The following PRKN variants were observed in gnomAD, a reference collection of about 807,000 sequenced individuals.
The protein encoded by PRKN is E3 ubiquitin-protein ligase parkin.
PRKN carries 56 observed loss-of-function variants against 59.5 expected under a neutral mutation model. The observed-to-expected ratio is 0.94, with a 90% CI of 0.76 to 1.18. PRKN has a LOEUF of 1.18. PRKN is among the 50% of genes most tolerant of loss of function. The pLI is 0.00. For missense variants in PRKN, 657 were observed against 596.4 expected, an observed-to-expected ratio of 1.10 and a Z score of -1.06; for synonymous variants, 250 against 222.1, an observed-to-expected ratio of 1.13 and a Z score of -1.12.
chr6:162,414,726 A>AAAAAAAAAAAAAAAAAT lies in PRKN; in HGVS notation c.171+28583_171+28584insATTTTTTTTTTTTTTTT, dbSNP rs34838356. Among the ~76,000 whole-genome samples the AAAAAAAAAAAAAAAAAT allele has an allele frequency of 4.4e-5, 4 of 91,868 alleles. 1 individual carries two copies. The highest frequency in any genetic ancestry group is 1.4e-4 in the African/African-American group (3 of 22,052). 60.3% of individuals were successfully genotyped at this position (91,868 alleles called of 152,430 possible). On this transcript the variant is annotated intron_variant, in intron 2 of 11. Transcript: ENST00000366898. Reference sequence around the variant, plus strand: ...ACTCCGTCTCAAAAAAAAAAAAAAAAAGTGAATCTTTGAAGTTTTAAAATA... The same window carrying AAAAAAAAAAAAAAAAAT: ...ACTCCGTCTCAAAAAAAAAAAAAAAAAAAAAAAAAAAAAAAATAGTGAATCTTTGAAGTTTTAAAATA...
In PRKN at chr6:161,457,732, T is replaced by G. The variant is rs1172357498; in HGVS notation, c.1084-70855A>C. On this transcript the variant is annotated intron_variant, in intron 9 of 11. Coordinates refer to ENST00000366898, the MANE Select transcript of PRKN (RefSeq NM_004562.3). The surrounding 1 kb of genome is among the most constrained non-coding windows in gnomAD (Gnocchi z 5.0). Reference sequence around the variant, plus strand: ...GTGTCTCTAGAGAAGAGACTGGTTCTGAAAATAGGGAGAATGGGAACCACC... The same window carrying G: ...GTGTCTCTAGAGAAGAGACTGGTTCGGAAAATAGGGAGAATGGGAACCACC... 6.6e-6 allele frequency among the ~76,000 whole-genome samples: 1 copy of G among 152,222 alleles called. No individual in the cohort carries two copies. The highest frequency in any genetic ancestry group is 1.5e-5 in the Non-Finnish European group (1 of 68,040).
intron 6 of PRKN, among the ~76,000 whole-genome samples, chr6:161,859,344 C>T (rs1273734202): frequency 2.0e-5 from 3 of 152,002 alleles, no homozygotes; most frequent in African/African-American, 7.2e-5. Flanking sequence ...GTGACTGACG[C>T]CTGTAATCCC....
intron 1 of PRKN, among the ~76,000 whole-genome samples, chr6:162,706,348 C>T (rs952237426): frequency 1.3e-5 from 2 of 152,126 alleles, no homozygotes; most frequent in African/African-American, 4.8e-5. Context: ...GAGTTCTGGT[C>T]TGTGAAAAGA....
At chr6:161,884,533 G>T (rs1345794457) in intron 6 of PRKN, among the ~76,000 whole-genome samples, 1 of 152,164 alleles carries the variant, frequency 6.6e-6, no homozygotes, top group Non-Finnish European at 1.5e-5. Context: ...TAAAATGATG[G>T]ATATGCAACT....
intron 1 of PRKN, among the ~76,000 whole-genome samples, chr6:162,596,630 T>C (rs893774578): frequency 1.3e-5 from 2 of 152,200 alleles, no homozygotes; most frequent in Non-Finnish European, 2.9e-5. Context: ...TTTTCTACCA[T>C]AAAAGAAAAT....
chr6:161,730,647 G>T (rs1210296787), intron 7 of PRKN, among the ~76,000 whole-genome samples: 1 of 151,532 alleles, frequency 6.6e-6, no homozygotes, highest in Non-Finnish European at 1.5e-5. Context: ...CTGATGTGTT[G>T]CCCTCCGATA....
chr6:162,202,755 T>C (rs1273520294), intron 3 of PRKN, among the ~76,000 whole-genome samples: 2 of 152,198 alleles, frequency 1.3e-5, no homozygotes, highest in Admixed American at 1.3e-4. Flanking sequence ...ATCTGTAATA[T>C]GTAAGTAAAT....
intron 7 of PRKN, among the ~76,000 whole-genome samples, chr6:161,637,770 C>CT (rs1708864355): frequency 2.0e-5 from 3 of 151,764 alleles, no homozygotes; most frequent in Non-Finnish European, 4.4e-5. Context: ...GGATTGGCCC[C>CT]AATTCTGTTT....
intron 1 of PRKN, among the ~76,000 whole-genome samples, chr6:162,586,049 A>G (rs1781039125): frequency 6.6e-6 from 1 of 152,128 alleles, no homozygotes; most frequent in Non-Finnish European, 1.5e-5. Flanking sequence ...AACATCTCCA[A>G]TATTACAAAA....
intron 1 of PRKN, among the ~76,000 whole-genome samples, chr6:162,639,215 TC>T (rs1345014479): frequency 1.3e-5 from 2 of 152,148 alleles, no homozygotes; most frequent in African/African-American, 2.4e-5. Flanking sequence ...TCCTTAGGAT[TC>T]TCCACAGTCA....
At chr6:162,100,210 G>C (rs1271878099) in intron 4 of PRKN, among the ~76,000 whole-genome samples, 1 of 152,102 alleles carries the variant, frequency 6.6e-6, no homozygotes, top group Non-Finnish European at 1.5e-5. Flanking sequence ...CCCTACCTGG[G>C]CTATTGTGAA....
In PRKN at chr6:162,182,974, C is replaced by CT. The variant is rs200129712; in HGVS notation, c.534+18156dup. Among the ~76,000 whole-genome samples the CT allele has an allele frequency of 8.6e-3, 1,307 of 151,582 alleles. 15 individuals are homozygous for CT. Among genetic ancestry groups the CT allele is most frequent in the African/African-American group, 0.021 (860 of 41,364 alleles). ...TGGGTCATTTCTGACACCTTTTTTT[C>CT]TTTTTTTTGGTGCTTTTCTGCCGAT... On this transcript the variant is annotated intron_variant, in intron 4 of 11. Transcript: ENST00000366898.
intron 1 of PRKN, among the ~76,000 whole-genome samples, chr6:162,717,016 T>G (rs1241520755): frequency 6.6e-6 from 1 of 152,170 alleles, no homozygotes; most frequent in Non-Finnish European, 1.5e-5. Flanking sequence ...CAAAAGGGAC[T>G]TTGCAGATGT....
At chr6:162,103,112 T>C (rs769553723) in intron 4 of PRKN, among the ~76,000 whole-genome samples, 18 of 149,974 alleles carry the variant, frequency 1.2e-4, no homozygotes, top group Non-Finnish European at 2.7e-4. Context: ...TAAAATAAAA[T>C]GGTTTTAAAA....
Position 161,700,142 on chromosome 6 carries a change from T to G in PRKN, c.871+85630A>C, listed in dbSNP as rs562888884. ...TTTGAACATCTTTTCCATCTTCTTT[T>G]CCAATTGCAGTGCCTGTTTGGCCCT... On this transcript the variant is annotated intron_variant, in intron 7 of 11. Coordinates refer to ENST00000366898, the MANE Select transcript of PRKN (RefSeq NM_004562.3). 3.3e-5 allele frequency among the ~76,000 whole-genome samples: 5 copies of G among 152,158 alleles called. No homozygotes were observed. The South Asian group carries it at 1.0e-3, about 32-fold the overall frequency.
chr6:161,567,427 T>C (rs1780696932), intron 8 of PRKN, among the ~76,000 whole-genome samples: 1 of 152,164 alleles, frequency 6.6e-6, no homozygotes, highest in Non-Finnish European at 1.5e-5. Flanking sequence ...TTTATGTGTA[T>C]ATAATATGGT....
At chr6:162,444,946 T>G (rs1425355213) in intron 1 of PRKN, among the ~76,000 whole-genome samples, 1 of 152,188 alleles carries the variant, frequency 6.6e-6, no homozygotes, top group Non-Finnish European at 1.5e-5. Context: ...TCTTGTAACA[T>G]TTAAAAATAA....
At chr6:162,341,452 G>A (rs1488786425) in intron 2 of PRKN, among the ~76,000 whole-genome samples, 1 of 152,208 alleles carries the variant, frequency 6.6e-6, no homozygotes, top group African/African-American at 2.4e-5. Flanking sequence ...AAAGACACAT[G>A]CACATGTATG....
At position 161,503,355 on chromosome 6, in the gene PRKN, T is replaced by A. The variant is rs577719767; in HGVS notation, c.1083+45499A>T. On this transcript the variant is annotated intron_variant, in intron 9 of 11. Coordinates refer to ENST00000366898, the MANE Select transcript of PRKN (RefSeq NM_004562.3). The surrounding 1 kb of genome is among the most constrained non-coding windows in gnomAD (Gnocchi z 5.1). Reference sequence around the variant, plus strand: ...ATACAATAGCCAAGACTCATGAACTTCTGTTTGCTGCACACTGTGCTCTTT... The same window carrying A: ...ATACAATAGCCAAGACTCATGAACTACTGTTTGCTGCACACTGTGCTCTTT... 3.3e-5 allele frequency among the ~76,000 whole-genome samples: 5 copies of A among 152,290 alleles called. No homozygotes were observed. The East Asian group carries it at 9.7e-4, about 29-fold the overall frequency.
Sources: gnomAD v4.1 joint callset for allele counts (sites outside exome capture counted in the v4.1 genomes callset) on GRCh38, gnomAD v4.1.1 for gene constraint, Gnocchi (gnomAD v3.1) non-coding constraint, MANE v1.5 for transcripts, NCBI Gene and HGNC (gene_info 2026-07-23, HGNC 2026-07-21) for gene names.